CELSR2: variants seen among roughly 807,000 people sequenced by gnomAD.
CELSR2 encodes cadherin EGF LAG seven-pass G-type receptor 2.
In CELSR2, 81 loss-of-function variants were observed where a neutral mutation model predicts 251.6. That is an observed-to-expected ratio of 0.32 (90% confidence interval 0.27 to 0.39). CELSR2 has a LOEUF of 0.39. Ranked by LOEUF, CELSR2 falls within the 10% of genes least tolerant of loss-of-function variation. The probability of loss-of-function intolerance (pLI) is 1.00; values close to 1 mark genes in which losing one functional copy is unlikely to be tolerated. For synonymous variants in CELSR2, 1,721 were observed against 1,670.5 expected (o/e 1.03, Z -0.74); for missense variants, 3,365 against 3,947.7 (o/e 0.85, Z 3.96).
intron 15 of CELSR2, among the ~76,000 whole-genome samples, chr1:109,267,011 G>A (rs1318068972): frequency 6.6e-6 from 1 of 152,122 alleles, no homozygotes; most frequent in Admixed American, 6.5e-5. Flanking sequence ...GTGAGCCACC[G>A]TGCCCAGCCC....
chr1:109,266,267 G>A (rs1656184460), intron 15 of CELSR2, 61 bp downstream of exon 15: 2 of 1,572,414 alleles, frequency 1.3e-6, no homozygotes, highest in Non-Finnish European at 1.7e-6. Context: ...AGTGGGATGA[G>A]GGCAGGAAGC....
In CELSR2 at chr1:109,250,649, G is replaced by T. The variant is rs1465869628; in HGVS notation, c.570G>T (p.Val190=). The change falls in exon 1 of 34, where the codon GTG becomes GTT. Residue 190 remains valine, a synonymous_variant. Transcript: ENST00000271332. The surrounding 1 kb of genome is among the most constrained non-coding windows in gnomAD (Gnocchi z 4.4). ...AGCCCCCCAGCTACCAGGCCACAGT[G>T]CCGGAGAACCAGCCAGCAGGCACCC... The part of the protein sequence containing the change: ...QFQPPSYQAT[V]PENQPAGTPV... The T allele has an allele frequency of 3.7e-6, 6 of 1,613,970 alleles. No homozygotes were observed. The South Asian group carries it at 6.6e-5, about 18-fold the overall frequency.
rs1454649508 is a variant in CELSR2 at position 109,264,276 on chromosome 1, C to T, written c.5200C>T (p.Leu1734=). ...AGCAGAGGGCAACCTGGGCCCCCGG[C>T]TGCATGGTCTGCACCTGAGCAACAT... ...QRAEGNLGPR[L]HGLHLSNITV... Residue 1734 remains leucine, a synonymous_variant, in exon 10 of 34, where the codon CTG becomes TTG. Transcript: ENST00000271332. The T allele has an allele frequency of 6.2e-7, 1 of 1,613,976 alleles. No individual in the cohort carries two copies.
In CELSR2 at chr1:109,259,044, G is replaced by T; in HGVS notation, c.3923G>T (p.Gly1308Val). The T allele has an allele frequency of 6.3e-7, 1 of 1,595,248 alleles. No individual in the cohort carries two copies. Among genetic ancestry groups the T allele is most frequent in the South Asian group, 1.1e-5 (1 of 90,140 alleles). ...CACGGGCGCTGCCGCAGCCGCGAGGGCGGCTACACCTGCCTCTGTCGTGAT... is the reference window on the plus strand; with the variant it reads ...CACGGGCGCTGCCGCAGCCGCGAGGTCGGCTACACCTGCCTCTGTCGTGAT... ...GPHGRCRSRE[G>V]GYTCLCRDGY... Residue 1308 changes from glycine to valine, a missense_variant, in exon 2 of 34, where the codon GGC becomes GTC. Gly to Val is a moderately radical substitution (Grantham distance 109). Coordinates refer to ENST00000271332, the MANE Select transcript of CELSR2 (RefSeq NM_001408.3).
Position 109,268,934 on chromosome 1 carries a change from G to A in CELSR2, c.6557G>A (p.Arg2186His), listed in dbSNP as rs141644848. Residue 2186 changes from arginine to histidine, a missense_variant, in exon 19 of 34, where the codon CGC becomes CAC. Physicochemically the swap from Arg to His is conservative, Grantham distance 29. Around this residue, in one of 5 missense-constraint regions of CELSR2, gnomAD observed 2,093 missense variants for 2,382.8 expected, o/e 0.88. Coordinates refer to ENST00000271332, the MANE Select transcript of CELSR2 (RefSeq NM_001408.3). ...KGNFAGAKLP[R>H]YEALRGEQPP... ...AACTTTGCTGGGGCCAAGCTGCCCCGCTACGAGGCCCTGCGTGGGGAGCAG... is the reference window on the plus strand; with the variant it reads ...AACTTTGCTGGGGCCAAGCTGCCCCACTACGAGGCCCTGCGTGGGGAGCAG... 9.7e-5 allele frequency: 156 copies of A among 1,613,188 alleles called. No homozygotes were observed. Among genetic ancestry groups the A allele is most frequent in the Admixed American group, 2.7e-4 (16 of 59,962 alleles).
rs571436385 is a variant in CELSR2 at position 109,251,130 on chromosome 1, A to G, written c.1051A>G (p.Thr351Ala). 3.7e-6 allele frequency: 6 copies of G among 1,613,134 alleles called. No homozygotes were observed. In the South Asian group the frequency reaches 6.6e-5, roughly 18 times the overall value. The change falls in exon 1 of 34, where the codon ACC (threonine) becomes GCC (alanine). Residue 351 changes from threonine (T) to alanine (A), a missense_variant. Thr to Ala is a moderately conservative substitution (Grantham distance 58). Coordinates refer to ENST00000271332, the MANE Select transcript of CELSR2 (RefSeq NM_001408.3). The surrounding 1 kb of genome is among the most constrained non-coding windows in gnomAD (Gnocchi z 4.9). ...CGACCCTCGCTCTGGGGTGATCCGA[A>G]CCCGTGGCCCTGTGGATCGGGAAGA... ...EIDPRSGVIR[T>A]RGPVDREEVE...
chr1:109,265,625 A>T (rs1260526484), intron 13 of CELSR2, 110 bp from the exon 14 acceptor site: 9 of 1,311,958 alleles, frequency 6.9e-6, no homozygotes, highest in Non-Finnish European at 8.4e-6. Context: ...ACTGCTCCTG[A>T]GGGGACCTGA....
At chr1:109,262,556 C>T (rs1392194084) in intron 6 of CELSR2, 112 bp downstream of exon 6, 3 of 1,438,272 alleles carry the variant, frequency 2.1e-6, no homozygotes, top group Non-Finnish European at 2.8e-6. Flanking sequence ...TCTCTTAGCC[C>T]CTGCTCAGCC....
At position 109,261,466 on chromosome 1, in the gene CELSR2, C is replaced by T. The variant is rs1656020087; in HGVS notation, c.4182-47C>T. On this transcript the variant is annotated intron_variant, in intron 3 of 33. Transcript: ENST00000271332. This position sits in a 1 kb window ranked among gnomAD's most constrained non-coding sequence, Gnocchi z 4.8. The stretch of plus-strand genomic sequence containing the variant: ...GGTTAGGTGGCGGGGGTGCTGGCAT[C>T]CAGGTGGGTACCCCATTCCCTGCCC... The T allele has an allele frequency of 6.4e-7, 1 of 1,564,080 alleles. No homozygotes were observed. The highest frequency in any genetic ancestry group is 1.1e-5 in the South Asian group (1 of 90,050).
rs1231672707 is a variant in CELSR2, at chr1:109,252,518, T to C, written c.2439T>C (p.Pro813=). 6.8e-6 allele frequency: 11 copies of C among 1,613,718 alleles called. No homozygotes were observed. The highest frequency in any genetic ancestry group is 9.3e-6 in the Non-Finnish European group (11 of 1,180,026). The change falls in exon 1 of 34, where the codon CCT becomes CCC. Residue 813 remains proline, a synonymous_variant. Coordinates refer to ENST00000271332, the MANE Select transcript of CELSR2 (RefSeq NM_001408.3). The surrounding 1 kb of genome is among the most constrained non-coding windows in gnomAD (Gnocchi z 4.8). Reference sequence around the variant, plus strand: ...TGAACGACGTGAATGACAATGCCCCTCAGTTCCTGCGAGACTCCTACCAGG... The same window carrying C: ...TGAACGACGTGAATGACAATGCCCCCCAGTTCCTGCGAGACTCCTACCAGG... The part of the protein sequence containing the change: ...ILVNDVNDNA[P]QFLRDSYQGS...
In CELSR2 at chr1:109,261,601, G is replaced by A. The variant is rs150086891; in HGVS notation, c.4270G>A (p.Glu1424Lys). ...CTTTGTGGCCCTCGAGGTGATCCAG[G>A]AGCAGGTCCAGCTCACCTTCTCTGC... ...HDFVALEVIQ[E>K]QVQLTFSAGE... The change falls in exon 4 of 34, where the codon GAG becomes AAG. Residue 1424 changes from glutamate (E) to lysine (K), a missense_variant. By Grantham distance (56) the Glu-to-Lys change is moderately conservative (BLOSUM62 1). Coordinates refer to ENST00000271332, the MANE Select transcript of CELSR2 (RefSeq NM_001408.3). The surrounding 1 kb of genome is among the most constrained non-coding windows in gnomAD (Gnocchi z 4.8). 5 of 1,614,000 alleles carry A rather than the reference G, an allele frequency of 3.1e-6. No individual in the cohort carries two copies. In the African/African-American group the frequency reaches 6.7e-5, roughly 22 times the overall value.
At chr1:109,266,293 C>T (rs560868697) in intron 15 of CELSR2, 87 bp downstream of exon 15, 338 of 1,504,366 alleles carry the variant, frequency 2.2e-4, no homozygotes, top group Non-Finnish European at 2.8e-4. Flanking sequence ...GCTGAAGATC[C>T]GGGGACCCCA....
Position 109,262,875 on chromosome 1 carries a change from A to G in CELSR2, c.4614A>G (p.Arg1538=). The G allele has an allele frequency of 6.2e-7, 1 of 1,613,810 alleles. No individual in the cohort carries two copies. The highest frequency in any genetic ancestry group is 8.5e-7 in the Non-Finnish European group (1 of 1,180,018). ...VPDLPESFPV[R]MRQFVGCMRN... ...ACCTGCCCGAGAGCTTCCCAGTCCGAATGCGGCAGTTCGTGGGCTGCATGC... is the reference window on the plus strand; with the variant it reads ...ACCTGCCCGAGAGCTTCCCAGTCCGGATGCGGCAGTTCGTGGGCTGCATGC... Residue 1538 remains arginine (R), a synonymous_variant, in exon 7 of 34, where the codon CGA becomes CGG. Transcript: ENST00000271332.
At position 109,264,523 on chromosome 1, in the gene CELSR2, G is replaced by T. The variant is rs368956345; in HGVS notation, c.5359G>T (p.Val1787Leu). The change falls in exon 11 of 34, where the codon GTG becomes TTG. Residue 1787 changes from valine (V) to leucine (L), a missense_variant. By Grantham distance (32) the Val-to-Leu change is conservative (BLOSUM62 1). This residue lies in a region of CELSR2 where 2,093 missense variants were observed against 2,382.8 expected (regional missense o/e 0.88). Coordinates refer to ENST00000271332, the MANE Select transcript of CELSR2 (RefSeq NM_001408.3). ...TCCCAGCCATGGGGAGAGCATCAACGTGGAGCAAGGCTGTAGCCTGCCTGA... is the reference window on the plus strand; with the variant it reads ...TCCCAGCCATGGGGAGAGCATCAACTTGGAGCAAGGCTGTAGCCTGCCTGA... The part of the protein sequence containing the change: ...LDPSHGESIN[V>L]EQGCSLPDPC... 1 of 1,614,202 alleles carries T rather than the reference G, an allele frequency of 6.2e-7. No homozygotes were observed. The highest frequency in any genetic ancestry group is 1.1e-5 in the South Asian group (1 of 91,092).
rs754358322 is a variant in CELSR2 at position 109,272,979 on chromosome 1, C to T, written c.8290C>T (p.Leu2764=). 4 of 1,613,958 alleles carry T rather than the reference C, an allele frequency of 2.5e-6. No homozygotes were observed. The highest frequency in any genetic ancestry group is 2.2e-5 in the South Asian group (2 of 91,080). Residue 2764 remains leucine (L), a synonymous_variant, in exon 31 of 34, where the codon CTG becomes TTG. Coordinates refer to ENST00000271332, the MANE Select transcript of CELSR2 (RefSeq NM_001408.3). ...CCCTGGAGAGCAGGGCTGGGATAGC[C>T]TGCTGGGGCCTGGAGCAGAGAGACT... ...AFPGEQGWDS[L]LGPGAERLPL... is the part of the protein sequence containing the mutation.
chr1:109,263,820 C>A (rs1337248), intron 9 of CELSR2, 43 bp downstream of exon 9: 897,254 of 1,593,780 alleles, frequency 0.56, 255,159 homozygotes, highest in Middle Eastern at 0.67. Context: ...GGCCATAGGG[C>A]CCTGGTAGCC....
rs1656057603 is a variant in CELSR2, at chr1:109,262,864, T to G, written c.4603T>G (p.Phe1535Val). ...CGGGGTGCCTGACCTGCCCGAGAGC[T>G]TCCCAGTCCGAATGCGGCAGTTCGT... ...LGGVPDLPESFPVRMRQFVGC... is the reference protein window; with the variant it reads ...LGGVPDLPESVPVRMRQFVGC... The change falls in exon 7 of 34, where the codon TTC becomes GTC. Residue 1535 changes from phenylalanine (F) to valine (V), a missense_variant. Phe to Val is a conservative substitution (Grantham distance 50, BLOSUM62 -1). Around this residue, in one of 5 missense-constraint regions of CELSR2, gnomAD observed 2,093 missense variants for 2,382.8 expected, o/e 0.88. Transcript: ENST00000271332. 2 of 1,613,764 alleles carry G rather than the reference T, an allele frequency of 1.2e-6. No homozygotes were observed. Among genetic ancestry groups the G allele is most frequent in the Non-Finnish European group, 1.7e-6 (2 of 1,179,982 alleles).
At position 109,268,638 on chromosome 1, in the gene CELSR2, C is replaced by A; in HGVS notation, c.6376C>A (p.Leu2126Met). The A allele has an allele frequency of 6.2e-7, 1 of 1,613,934 alleles. No individual in the cohort carries two copies. The highest frequency in any genetic ancestry group is 8.5e-7 in the Non-Finnish European group (1 of 1,179,966). The change falls in exon 18 of 34, where the codon CTG (leucine) becomes ATG (methionine). Residue 2126 changes from leucine to methionine, a missense_variant. By Grantham distance (15) the Leu-to-Met change is conservative. Transcript: ENST00000271332. ...LDTANKRHWE[L>M]IQQTEGGTAW... ...CACAGCCAACAAGCGGCACTGGGAG[C>A]TGATCCAGCAGACAGAGGGTGGCAC...
At position 109,274,162 on chromosome 1, in the gene CELSR2, A is replaced by G; in HGVS notation, c.*113A>G. The G allele has an allele frequency of 6.2e-7, 1 of 1,600,038 alleles. No homozygotes were observed. Among genetic ancestry groups the G allele is most frequent in the Non-Finnish European group, 8.5e-7 (1 of 1,175,128 alleles). ...CCGCTCCCCATCGCCTGCCCGCAGC[A>G]GCGACGAAACGTCCATCTGAGGAGC... is the stretch of plus-strand genomic sequence containing the variant. On this transcript the variant is annotated 3_prime_UTR_variant, in exon 34 of 34. Transcript: ENST00000271332.
Sources: allele counts gnomAD v4.1 joint callset (sites outside exome capture counted in the v4.1 genomes callset), GRCh38; gene constraint gnomAD v4.1.1; regional missense constraint gnomAD v4.1.1; non-coding constraint Gnocchi (gnomAD v3.1); transcripts MANE v1.5; gene names NCBI Gene and HGNC (gene_info 2026-07-23, HGNC 2026-07-21).